NDUFS1: variants seen among roughly 807,000 people sequenced by gnomAD.
NDUFS1 encodes NADH:ubiquinone oxidoreductase core subunit S1, also known as NADH-ubiquinone oxidoreductase 75 kDa subunit, mitochondrial.
NDUFS1 carries 61 observed loss-of-function variants against 84.4 expected under a neutral mutation model. The ratio of observed to expected loss-of-function variants is 0.72; its 90% confidence interval spans 0.59 to 0.89. The LOEUF (loss-of-function observed/expected upper bound fraction) is 0.89, where lower values mean the gene tolerates loss of function less well. Ranked by LOEUF, NDUFS1 falls within the 40% of genes least tolerant of loss-of-function variation. The pLI is 0.00. For missense variants in NDUFS1, 891 were observed against 890.0 expected (o/e 1.00, Z -0.01); for synonymous variants, 275 against 290.0 (o/e 0.95, Z 0.53).
intron 16 of NDUFS1, among the ~76,000 whole-genome samples, chr2:206,127,320 G>T (rs1400890783): frequency 6.6e-6 from 1 of 152,120 alleles, no homozygotes; most frequent in Non-Finnish European, 1.5e-5. Flanking sequence ...GACTGCTTGA[G>T]GCCCAGGAGT....
chr2:206,133,930 A>C (rs1340575904), intron 13 of NDUFS1, among the ~76,000 whole-genome samples: 5 of 152,238 alleles, frequency 3.3e-5, no homozygotes, highest in Admixed American at 3.3e-4. Context: ...CAGTGGGCCA[A>C]GATTGTGCCA....
intron 13 of NDUFS1, among the ~76,000 whole-genome samples, chr2:206,137,314 A>T (rs1691756508): frequency 6.6e-6 from 1 of 152,100 alleles, no homozygotes; most frequent in Non-Finnish European, 1.5e-5. Flanking sequence ...TCTCTACTAA[A>T]AATACAAAAA....
chr2:206,142,332 C>A (rs965051748), intron 11 of NDUFS1, among the ~76,000 whole-genome samples: 10 of 152,198 alleles, frequency 6.6e-5, no homozygotes, highest in Admixed American at 1.3e-4. Context: ...CCTGCCTCAG[C>A]CTCCCAAGTA....
chr2:206,115,927 A>G lies in NDUFS1; in HGVS notation c.*8258T>C, dbSNP rs1246732754. On this transcript the variant is annotated 3_prime_UTR_variant, in exon 19 of 19. Transcript: ENST00000233190. ...GGATGTTGTGAAAAAGACACATATT[A>G]TGTTTATCTACAATCATTAGAAAGT... 1.6e-6 allele frequency: 1 copy of G among 638,652 alleles called. No homozygotes were observed. The highest frequency in any genetic ancestry group is 2.9e-6 in the Non-Finnish European group (1 of 350,274). The allele number at this position is 638,652 out of a possible 1,614,324, so 39.6% of individuals were successfully genotyped here. A position where few individuals can be genotyped will look rare whatever the true frequency, so the allele number is the denominator to read the frequency against.
intron 1 of NDUFS1, among the ~76,000 whole-genome samples, chr2:206,156,399 C>T (rs767150992): frequency 1.3e-5 from 2 of 151,300 alleles, no homozygotes; most frequent in Non-Finnish European, 1.5e-5. Context: ...ACAGCATGAT[C>T]CCATCTCTAC....
chr2:206,129,839 G>A (rs764142516), intron 15 of NDUFS1, among the ~76,000 whole-genome samples: 52 of 151,942 alleles, frequency 3.4e-4, no homozygotes, highest in Non-Finnish European at 6.6e-4. Context: ...TGATCCACCC[G>A]CACTGGCCTC....
chr2:206,116,468 G>T lies in NDUFS1; in HGVS notation c.*7717C>A, dbSNP rs1342167557. Reference sequence around the variant, plus strand: ...GGACCACGTGCAGGCTGCAGAGCACGGCCCGCACGCTCCGCACCACTCGCA... The same window carrying T: ...GGACCACGTGCAGGCTGCAGAGCACTGCCCGCACGCTCCGCACCACTCGCA... On this transcript the variant is annotated 3_prime_UTR_variant, in exon 19 of 19. Coordinates refer to ENST00000233190, the MANE Select transcript of NDUFS1 (RefSeq NM_005006.7). The T allele has an allele frequency of 3.5e-6, 4 of 1,156,912 alleles. No individual in the cohort carries two copies. Among genetic ancestry groups the T allele is most frequent in the Non-Finnish European group, 5.0e-6 (4 of 801,748 alleles). The allele number at this position is 1,156,912 out of a possible 1,614,324, so 71.7% of individuals were successfully genotyped here.
chr2:206,156,598 T>G (rs1687664872), intron 1 of NDUFS1, among the ~76,000 whole-genome samples: 1 of 151,806 alleles, frequency 6.6e-6, no homozygotes. Flanking sequence ...AAAAGGCAAA[T>G]TATGTGATTA....
Position 206,144,093 on chromosome 2 carries a change from C to G in NDUFS1, c.912G>C (p.Glu304Asp). ...YDGLKRQRLT[E>D]PMVRNEKGLL... is the part of the protein sequence containing the mutation. ...GCCCTTTTTCATTTCTGACCATTGG[C>G]TCGGTAAGTCTTTGACGTTTTAGCC... Residue 304 changes from glutamate to aspartate, a missense_variant, in exon 10 of 19, where the codon GAG becomes GAC. By Grantham distance (45) the Glu-to-Asp change is conservative. Coordinates refer to ENST00000233190, the MANE Select transcript of NDUFS1 (RefSeq NM_005006.7). The G allele has an allele frequency of 6.2e-7, 1 of 1,614,076 alleles. No homozygotes were observed.
At chr2:206,156,443 C>T (rs1687658351) in intron 1 of NDUFS1, among the ~76,000 whole-genome samples, 1 of 151,560 alleles carries the variant, frequency 6.6e-6, no homozygotes, top group Non-Finnish European at 1.5e-5. Context: ...GGTGTGGTGG[C>T]ATGCGCCTGT....
At position 206,126,743 on chromosome 2, in the gene NDUFS1, A is replaced by G; in HGVS notation, c.1986T>C (p.Ala662=). The stretch of plus-strand genomic sequence containing the variant: ...GCTCATTTGCTTGCTGGAAGTAATT[A>G]GCCCCTTCAATATCATCATATCGAA... The part of the protein sequence containing the change: ...NLVRYDDIEG[A]NYFQQANELS... Residue 662 remains alanine (A), a synonymous_variant, in exon 17 of 19, where the codon GCT becomes GCC. Coordinates refer to ENST00000233190, the MANE Select transcript of NDUFS1 (RefSeq NM_005006.7). 1 of 1,614,202 alleles carries G rather than the reference A, an allele frequency of 6.2e-7. No homozygotes were observed. The highest frequency in any genetic ancestry group is 8.5e-7 in the Non-Finnish European group (1 of 1,180,028).
Position 206,149,845 on chromosome 2 carries a change from G to A in NDUFS1, c.234C>T (p.Cys78=), listed in dbSNP as rs200031623. The change falls in exon 4 of 19, where the codon TGC becomes TGT. Residue 78 remains cysteine (C), a synonymous_variant. Coordinates refer to ENST00000233190, the MANE Select transcript of NDUFS1 (RefSeq NM_005006.7). ...TAGGGGCTTTCTCAATTTCAACAAG[G>A]CACATCCTGCAGTTTCCAGCAACAG... ...RLSVAGNCRM[C]LVEIEKAPKV... is the part of the protein sequence containing the mutation. 4 of 1,607,380 alleles carry A rather than the reference G, an allele frequency of 2.5e-6. No homozygotes were observed. Among genetic ancestry groups the A allele is most frequent in the Non-Finnish European group, 3.4e-6 (4 of 1,178,668 alleles).
chr2:206,142,147 A>G (rs1691987764), intron 11 of NDUFS1, 78 bp from the exon 12 acceptor site: 10 of 1,305,506 alleles, frequency 7.7e-6, no homozygotes, highest in African/African-American at 1.5e-5. Context: ...TTCTCCTATC[A>G]TCAAACCCAT....
At chr2:206,140,370 G>A (rs1042909541) in intron 12 of NDUFS1, among the ~76,000 whole-genome samples, 2 of 152,054 alleles carry the variant, frequency 1.3e-5, no homozygotes, top group Admixed American at 6.6e-5. Flanking sequence ...TGGACGTGGT[G>A]GCATATGCCT....
intron 4 of NDUFS1, 77 bp downstream of exon 4, chr2:206,149,741 T>C: frequency 1.9e-6 from 2 of 1,049,112 alleles, no homozygotes; most frequent in Non-Finnish European, 3.0e-6. Context: ...ACGATATTGA[T>C]TCTAAATAAA....
At position 206,126,724 on chromosome 2, in the gene NDUFS1, T is replaced by C. The variant is rs748573954; in HGVS notation, c.2005A>G (p.Asn669Asp). ...CGAGCTGTTACCTTTGAGAGCTCAT[T>C]TGCTTGCTGGAAGTAATTAGCCCCT... ...IEGANYFQQA[N>D]ELSKLVNQQL... Residue 669 changes from asparagine to aspartate, a missense_variant, in exon 17 of 19, where the codon AAT becomes GAT. Physicochemically the swap from Asn to Asp is conservative, Grantham distance 23. Transcript: ENST00000233190. 13 of 1,614,054 alleles carry C rather than the reference T, an allele frequency of 8.1e-6. No individual in the cohort carries two copies. The highest frequency in any genetic ancestry group is 1.1e-5 in the Non-Finnish European group (13 of 1,180,036).
intron 14 of NDUFS1, 135 bp downstream of exon 14, chr2:206,132,810 C>T (rs1691563486): frequency 2.7e-6 from 2 of 749,004 alleles, no homozygotes; most frequent in East Asian, 5.4e-5. Flanking sequence ...GAGTAAAGGT[C>T]TATATTTCAC....
rs1359769292 is a variant in NDUFS1 at position 206,149,813 on chromosome 2, A to G, written c.261+5T>C. 6.2e-7 allele frequency: 1 copy of G among 1,607,184 alleles called. No individual in the cohort carries two copies. The highest frequency in any genetic ancestry group is 1.1e-5 in the South Asian group (1 of 90,918). On this transcript the variant is annotated splice_donor_5th_base_variant and intron_variant, in intron 4 of 18. Coordinates refer to ENST00000233190, the MANE Select transcript of NDUFS1 (RefSeq NM_005006.7). ...GCATGGTGTAGAATTTTAGGTATCA[A>G]GTACCTTAGGGGCTTTCTCAATTTC...
Position 206,124,323 on chromosome 2 carries a change from A to G in NDUFS1, c.2093-47T>C, listed in dbSNP as rs745885599. On this transcript the variant is annotated intron_variant, in intron 18 of 18. Transcript: ENST00000233190. ...TCATTTTGATAATACAACTTTTTAA[A>G]AAGCACATACTAAAACTTTAATGGT... 5 of 1,428,998 alleles carry G rather than the reference A, an allele frequency of 3.5e-6. No homozygotes were observed. The South Asian group carries it at 4.6e-5, about 13-fold the overall frequency. 88.5% of individuals were successfully genotyped at this position (1,428,998 alleles called of 1,614,324 possible). A position where few individuals can be genotyped will look rare whatever the true frequency, so the allele number is the denominator to read the frequency against.
Sources: allele counts gnomAD v4.1 joint callset (sites outside exome capture counted in the v4.1 genomes callset), GRCh38; gene constraint gnomAD v4.1.1; transcripts MANE v1.5; gene names NCBI Gene and HGNC (gene_info 2026-07-23, HGNC 2026-07-21).